GALNT13: variants seen among roughly 807,000 people sequenced by gnomAD.
GALNT13 encodes polypeptide N-acetylgalactosaminyltransferase 13.
A neutral mutation model predicts 64.2 loss-of-function variants in GALNT13; 28 were observed. That is an observed-to-expected ratio of 0.44 (90% CI 0.32 to 0.60). The LOEUF (loss-of-function observed/expected upper bound fraction) is 0.60, where lower values mean the gene tolerates loss of function less well. Ranked by LOEUF, GALNT13 falls within the 20% of genes least tolerant of loss-of-function variation. The probability of loss-of-function intolerance (pLI) is 0.05; values close to 1 mark genes in which losing one functional copy is unlikely to be tolerated. For missense variants in GALNT13, 577 were observed against 669.8 expected (o/e 0.86, Z 1.53); for synonymous variants, 214 against 224.6 (o/e 0.95, Z 0.42).
chr2:153,478,399 A>G, the GALNT13 span: 1 of 1,614,162 alleles, frequency 6.2e-7, no homozygotes, highest in Non-Finnish European at 8.5e-7. Flanking sequence ...GATCTGCACC[A>G]CGCGCATTAT....
intron 3 of GALNT13, among the ~76,000 whole-genome samples, chr2:153,991,896 C>T (rs570370549): frequency 6.6e-6 from 1 of 152,188 alleles, no homozygotes; most frequent in African/African-American, 2.4e-5. Context: ...ATCTGATGAT[C>T]ACTCCTATTT....
At chr2:153,801,233 G>A in the GALNT13 span, among the ~76,000 whole-genome samples, 1 of 151,648 alleles carries the variant, frequency 6.6e-6, no homozygotes, top group Non-Finnish European at 1.5e-5. Context: ...CTTTGGAGTA[G>A]ATTTTTAAAT....
intron 3 of GALNT13, among the ~76,000 whole-genome samples, chr2:154,069,274 AAGAAG>A (rs1700624082): frequency 1.3e-5 from 2 of 152,010 alleles, no homozygotes; most frequent in Non-Finnish European, 1.5e-5. Context: ...AGTATACAGA[AAGAAG>A]AGAAGAGTTC....
the GALNT13 span, among the ~76,000 whole-genome samples, chr2:153,438,312 G>A: frequency 6.6e-6 from 1 of 152,090 alleles, no homozygotes; most frequent in South Asian, 2.1e-4. Context: ...TCTTGGAGTT[G>A]CTCTTCTCGA....
chr2:154,129,193 C>A (rs73005438), intron 3 of GALNT13, among the ~76,000 whole-genome samples: 1 of 151,990 alleles, frequency 6.6e-6, no homozygotes, highest in African/African-American at 2.4e-5. Context: ...TTTGTATCCC[C>A]GCCATCCCAA....
chr2:153,277,949 CAG>C, the GALNT13 span, among the ~76,000 whole-genome samples: 3 of 9,030 alleles, frequency 3.3e-4, no homozygotes, highest in African/African-American at 1.6e-3. Context: ...TTTTTTGAGA[CAG>C]AGTCTCACTC....
At chr2:153,995,599 T>C (rs1695470254) in intron 3 of GALNT13, among the ~76,000 whole-genome samples, 1 of 152,184 alleles carries the variant, frequency 6.6e-6, no homozygotes, top group African/African-American at 2.4e-5. Flanking sequence ...ATACATTGCA[T>C]GATGATCAAA....
chr2:153,748,955 A>G, the GALNT13 span, among the ~76,000 whole-genome samples: 2 of 152,050 alleles, frequency 1.3e-5, no homozygotes, highest in Non-Finnish European at 1.5e-5. Flanking sequence ...TAGTTTCATC[A>G]TTTGAAGTCT....
the GALNT13 span, among the ~76,000 whole-genome samples, chr2:153,767,986 T>A: frequency 6.6e-6 from 1 of 152,226 alleles, no homozygotes; most frequent in Non-Finnish European, 1.5e-5. Context: ...TTGTTTTTGT[T>A]GCATTTGCTT....
intron 1 of GALNT13, among the ~76,000 whole-genome samples, chr2:153,879,375 T>A (rs929223958): frequency 6.6e-6 from 1 of 151,806 alleles, no homozygotes; most frequent in African/African-American, 2.4e-5. Context: ...TGTGTGTGTG[T>A]GTGTGTGCAT....
chr2:153,563,375 G>T, the GALNT13 span, among the ~76,000 whole-genome samples: 2 of 151,896 alleles, frequency 1.3e-5, no homozygotes, highest in Non-Finnish European at 1.5e-5. Flanking sequence ...CTATATTACG[G>T]TTTACTTCTA....
At chr2:153,242,687 T>C in the GALNT13 span, among the ~76,000 whole-genome samples, 108 of 152,336 alleles carry the variant, frequency 7.1e-4, no homozygotes, top group African/African-American at 2.5e-3. Context: ...TGTTGAATCA[T>C]GTTTTTCTGA....
chr2:153,959,987 C>T (rs1451313019), intron 3 of GALNT13, among the ~76,000 whole-genome samples: 1 of 152,170 alleles, frequency 6.6e-6, no homozygotes, highest in East Asian at 1.9e-4. Context: ...CCTGCATGGC[C>T]AGTAACCCAC....
At chr2:153,855,024 T>A in the GALNT13 span, among the ~76,000 whole-genome samples, 1 of 152,194 alleles carries the variant, frequency 6.6e-6, no homozygotes, top group Admixed American at 6.5e-5. Context: ...TACATGTATA[T>A]AAATGATAAA....
At chr2:153,911,067 A>T (rs1688904934) in intron 2 of GALNT13, among the ~76,000 whole-genome samples, 2 of 152,130 alleles carry the variant, frequency 1.3e-5, no homozygotes, top group South Asian at 4.1e-4. Flanking sequence ...ATTTCCTTGA[A>T]GGTCACTAAG....
At chr2:154,352,463 T>A (rs1696466269) in intron 9 of GALNT13, among the ~76,000 whole-genome samples, 1 of 152,216 alleles carries the variant, frequency 6.6e-6, no homozygotes, top group African/African-American at 2.4e-5. Context: ...CAGTTCTAGG[T>A]GCTGTTCATG....
chr2:153,702,797 G>A, the GALNT13 span, among the ~76,000 whole-genome samples: 1 of 152,112 alleles, frequency 6.6e-6, no homozygotes, highest in South Asian at 2.1e-4. Context: ...ATATGAGTCT[G>A]ATATTAAGGA....
At chr2:153,535,377 C>T in the GALNT13 span, among the ~76,000 whole-genome samples, 4 of 152,094 alleles carry the variant, frequency 2.6e-5, no homozygotes, top group Non-Finnish European at 4.4e-5. Flanking sequence ...TTAAGAGTGG[C>T]AGTTTGGGGA....
At chr2:153,556,924 A>G in the GALNT13 span, among the ~76,000 whole-genome samples, 2 of 152,206 alleles carry the variant, frequency 1.3e-5, no homozygotes, top group African/African-American at 4.8e-5. Context: ...TTTTACATTT[A>G]TCTGCCCACC....
Sources: allele counts gnomAD v4.1 joint callset (sites outside exome capture counted in the v4.1 genomes callset), GRCh38; gene constraint gnomAD v4.1.1; transcripts MANE v1.5; gene names NCBI Gene and HGNC (gene_info 2026-07-23, HGNC 2026-07-21).